The following ABCA12 variants were observed in gnomAD, a reference collection of about 807,000 sequenced individuals.
ABCA12 encodes the protein glucosylceramide transporter ABCA12.
In ABCA12, 156 loss-of-function variants were observed where a neutral mutation model predicts 293.5. The observed-to-expected ratio is 0.53, with a 90% CI of 0.47 to 0.61. ABCA12 has a LOEUF of 0.61. Among genes scored for constraint, ABCA12 ranks in the 20% least tolerant of loss-of-function variants. ABCA12 has a pLI of 0.00. For synonymous variants in ABCA12, 1,063 were observed against 1,108.0 expected, an observed-to-expected ratio of 0.96 and a Z score of 0.81; for missense variants, 2,797 against 3,090.2, an observed-to-expected ratio of 0.91 and a Z score of 2.25.
intron 51 of ABCA12, 47 bp downstream of exon 51, chr2:214,937,463 G>A (rs1396461820): frequency 6.7e-7 from 1 of 1,483,904 alleles, no homozygotes; most frequent in Non-Finnish European, 9.4e-7. Context: ...CTCCCAAAGT[G>A]CTGGGATTAC....
chr2:215,128,168 T>C (rs1039622712), intron 1 of ABCA12, among the ~76,000 whole-genome samples: 1 of 152,246 alleles, frequency 6.6e-6, no homozygotes, highest in African/African-American at 2.4e-5. Flanking sequence ...AGAAATCTGC[T>C]GTTGATCTGG....
chr2:215,007,195 T>C (rs1291922717), intron 19 of ABCA12, among the ~76,000 whole-genome samples: 1 of 152,164 alleles, frequency 6.6e-6, no homozygotes, highest in Admixed American at 6.5e-5. Flanking sequence ...TTTCCAATTA[T>C]AACTTTTGCT....
At chr2:215,025,493 G>C in intron 11 of ABCA12, 180 bp downstream of exon 11, 1 of 560,388 alleles carries the variant, frequency 1.8e-6, no homozygotes, top group Non-Finnish European at 3.1e-6. Flanking sequence ...TTCTAGAGTC[G>C]TAAGTAGGGC....
chr2:215,034,060 T>C (rs1162952178), intron 8 of ABCA12, among the ~76,000 whole-genome samples: 1 of 152,122 alleles, frequency 6.6e-6, no homozygotes, highest in Non-Finnish European at 1.5e-5. Flanking sequence ...TCAGTAAGGA[T>C]TTCTATCCTA....
At chr2:214,949,853 C>T (rs1386281976) in intron 45 of ABCA12, among the ~76,000 whole-genome samples, 3 of 152,154 alleles carry the variant, frequency 2.0e-5, no homozygotes, top group Non-Finnish European at 4.4e-5. Context: ...GGAAGGGGCT[C>T]AGAACTTGCT....
chr2:214,981,551 C>T (rs1699654298), intron 30 of ABCA12, among the ~76,000 whole-genome samples: 1 of 152,076 alleles, frequency 6.6e-6, no homozygotes, highest in Admixed American at 6.5e-5. Context: ...GTTAAGTGCT[C>T]AACTCACAGC....
At chr2:215,012,847 A>T (rs2106003738) in intron 15 of ABCA12, among the ~76,000 whole-genome samples, 1 of 152,306 alleles carries the variant, frequency 6.6e-6, no homozygotes, top group East Asian at 1.9e-4. Flanking sequence ...ATAAAGGCAA[A>T]TGTCAACTAC....
rs547310752 is a variant in ABCA12 at position 215,059,441 on chromosome 2, A to T, written c.317+4625T>A. ...AGGGTCATCCATACTTCAGCTATGGATATCTGTCCACATTCCAAACATATA... is the reference window on the plus strand; with the variant it reads ...AGGGTCATCCATACTTCAGCTATGGTTATCTGTCCACATTCCAAACATATA... On this transcript the variant is annotated intron_variant, in intron 3 of 52. Coordinates refer to ENST00000272895, the MANE Select transcript of ABCA12 (RefSeq NM_173076.3). Among the ~76,000 whole-genome samples, 5 of 152,192 alleles carry T rather than the reference A, an allele frequency of 3.3e-5. No individual in the cohort carries two copies. In the East Asian group the frequency reaches 5.8e-4, roughly 18 times the overall value.
intron 2 of ABCA12, among the ~76,000 whole-genome samples, chr2:215,099,027 A>G (rs1220694528): frequency 6.6e-6 from 1 of 152,352 alleles, no homozygotes; most frequent in East Asian, 1.9e-4. Flanking sequence ...CAAAAGGTGG[A>G]GCCTAATTCC....
chr2:214,953,513 A>G (rs947906463), intron 44 of ABCA12, among the ~76,000 whole-genome samples: 1 of 152,162 alleles, frequency 6.6e-6, no homozygotes, highest in Non-Finnish European at 1.5e-5. Flanking sequence ...TTCTGCCTTG[A>G]AAGTGTTTTC....
chr2:215,009,706 G>C (rs1345994259), intron 18 of ABCA12, among the ~76,000 whole-genome samples: 2 of 152,108 alleles, frequency 1.3e-5, no homozygotes, highest in East Asian at 1.9e-4. Context: ...GAATGGCCAA[G>C]TAATGGTAAA....
Position 214,966,834 on chromosome 2 carries a change from G to A in ABCA12, c.5884+14C>T. On this transcript the variant is annotated intron_variant, in intron 39 of 52. Coordinates refer to ENST00000272895, the MANE Select transcript of ABCA12 (RefSeq NM_173076.3). ...AAGTTGCAATACAGGACACTTTTGT[G>A]TTAGTAACTTTACCATGTCGGGCAG... 4 of 1,611,762 alleles carry A rather than the reference G, an allele frequency of 2.5e-6. No homozygotes were observed. Among genetic ancestry groups the A allele is most frequent in the East Asian group, 2.2e-5 (1 of 44,814 alleles).
intron 31 of ABCA12, 51 bp downstream of exon 31, chr2:214,980,432 T>C (rs1699620472): frequency 6.2e-7 from 1 of 1,609,210 alleles, no homozygotes. Context: ...CTATTTCATA[T>C]AAAACTTAAT....
chr2:214,940,734 A>C (rs1462434140), intron 50 of ABCA12, among the ~76,000 whole-genome samples: 3 of 152,014 alleles, frequency 2.0e-5, no homozygotes, highest in Non-Finnish European at 4.4e-5. Flanking sequence ...CATCTCTTCT[A>C]GAATTTCTAG....
chr2:215,065,297 T>TAAAAAAAAAAAAAAAAAAAA lies in ABCA12; in HGVS notation c.164-1098_164-1079dup, dbSNP rs66466863. 1.1e-4 allele frequency among the ~76,000 whole-genome samples: 5 copies of TAAAAAAAAAAAAAAAAAAAA among 45,138 alleles called. 1 individual carries two copies. The highest frequency in any genetic ancestry group is 4.4e-4 in the African/African-American group (5 of 11,390). 29.6% of individuals were successfully genotyped at this position (45,138 alleles called of 152,430 possible). On this transcript the variant is annotated intron_variant, in intron 2 of 52. Transcript: ENST00000272895. ...AAACTTTAATCTCCGCATGAATGTG[T>TAAAAAAAAAAAAAAAAAAAA]AAAAAAAAAAAAAAAAAAAAAAAAA...
chr2:215,050,356 G>T (rs1701296143), intron 5 of ABCA12, among the ~76,000 whole-genome samples: 1 of 151,978 alleles, frequency 6.6e-6, no homozygotes, highest in South Asian at 2.1e-4. Flanking sequence ...GAAAGAAAAA[G>T]GAAAACGTAT....
intron 2 of ABCA12, among the ~76,000 whole-genome samples, chr2:215,094,120 T>C (rs1457650955): frequency 6.6e-6 from 1 of 152,230 alleles, no homozygotes; most frequent in Non-Finnish European, 1.5e-5. Flanking sequence ...TGCGTGTCAA[T>C]ATTTATACTG....
chr2:215,040,807 G>A lies in ABCA12; in HGVS notation c.873-3742C>T, dbSNP rs372305899. Among the ~76,000 whole-genome samples the A allele has an allele frequency of 1.2e-3, 178 of 149,948 alleles. 1 individual carries two copies. Among genetic ancestry groups the A allele is most frequent in the African/African-American group, 4.3e-3 (169 of 39,444 alleles). On this transcript the variant is annotated intron_variant, in intron 7 of 52. Coordinates refer to ENST00000272895, the MANE Select transcript of ABCA12 (RefSeq NM_173076.3). ...AGACTGGGCCACAGAGGGAGACTCC[G>A]TCTCAAAAAACAAACAAAAAAACAA... is the stretch of plus-strand genomic sequence containing the variant.
Position 214,978,991 on chromosome 2 carries a change from G to T in ABCA12, c.4790C>A (p.Ala1597Glu). ...NAVCDTMAVTAMIQSHLPEAY... is the reference protein window; with the variant it reads ...NAVCDTMAVTEMIQSHLPEAY... ...TTCGGGGAGATGTGATTGGATCATT[G>T]CTGTCACGGCCATGGTGTCACATAC... The change falls in exon 32 of 53, where the codon GCA (alanine) becomes GAA (glutamate). Residue 1597 changes from alanine to glutamate, a missense_variant. Transcript: ENST00000272895. The T allele has an allele frequency of 6.2e-7, 1 of 1,614,086 alleles. No homozygotes were observed. The highest frequency in any genetic ancestry group is 8.5e-7 in the Non-Finnish European group (1 of 1,179,980).
Sources: allele counts gnomAD v4.1 joint callset (sites outside exome capture counted in the v4.1 genomes callset), GRCh38; gene constraint gnomAD v4.1.1; transcripts MANE v1.5; gene names NCBI Gene and HGNC (gene_info 2026-07-23, HGNC 2026-07-21).